Variants in TCF20 observed in about 807,000 individuals in gnomAD.
TCF20 encodes transcription factor 20.
Under a neutral mutation model 148.6 loss-of-function variants are expected in TCF20, and 3 were observed. The observed-to-expected ratio is 0.02, with a 90% CI of 0.01 to 0.05. The LOEUF (loss-of-function observed/expected upper bound fraction) is 0.05. TCF20 is among the 10% of genes least tolerant of loss of function. The pLI is 1.00. For missense variants in TCF20, 2,350 were observed against 2,429.3 expected (o/e 0.97, Z 0.69); for synonymous variants, 1,049 against 909.5 (o/e 1.15, Z -2.76).
At chr22:42,243,270 C>T (rs1924599030) in intron 1 of TCF20, among the ~76,000 whole-genome samples, 1 of 114,530 alleles carries the variant, frequency 8.7e-6, no homozygotes, top group Admixed American at 1.2e-4. Context: ...ACTGCACTGG[C>T]TGGCAGAGCA....
chr22:42,335,487 T>G (rs2147061040), intron 1 of TCF20, among the ~76,000 whole-genome samples: 1 of 152,284 alleles, frequency 6.6e-6, no homozygotes, highest in African/African-American at 2.4e-5. Flanking sequence ...CCACCCCCAA[T>G]CAGTACCACA....
intron 3 of TCF20, among the ~76,000 whole-genome samples, chr22:42,173,705 C>T (rs1178535168): frequency 6.6e-6 from 1 of 152,172 alleles, no homozygotes; most frequent in African/African-American, 2.4e-5. Flanking sequence ...CCCCACAGAG[C>T]AGTGCAGGCC....
At chr22:42,269,912 G>A (rs1275103098) in intron 1 of TCF20, 1 of 152,190 alleles carries the variant, frequency 6.6e-6, no homozygotes, top group African/African-American at 2.4e-5. Flanking sequence ...CAAGAGGCGA[G>A]CGCGGCCGGT....
intron 1 of TCF20, 30 bp from the exon 2 acceptor site, chr22:42,215,371 C>G (rs1921653664): frequency 6.5e-7 from 1 of 1,533,474 alleles, no homozygotes; most frequent in South Asian, 1.3e-5. Flanking sequence ...AAACATTAGA[C>G]ACGCATCTCC....
intron 2 of TCF20, among the ~76,000 whole-genome samples, chr22:42,197,211 C>T (rs1214827560): frequency 4.6e-5 from 7 of 152,106 alleles, no homozygotes; most frequent in Non-Finnish European, 1.0e-4. Flanking sequence ...CACATCAACT[C>T]AAAAGCTTCC....
At chr22:42,166,512 G>A (rs956127871) in intron 5 of TCF20, among the ~76,000 whole-genome samples, 1 of 152,058 alleles carries the variant, frequency 6.6e-6, no homozygotes, top group Admixed American at 6.5e-5. Context: ...GGAGGGCTGA[G>A]GCGGGAGAAT....
chr22:42,165,870 G>C (rs1233639474), intron 5 of TCF20, among the ~76,000 whole-genome samples: 1 of 152,240 alleles, frequency 6.6e-6, no homozygotes, highest in Non-Finnish European at 1.5e-5. Context: ...TCTGATCTTA[G>C]TCACACAGCA....
intron 1 of TCF20, among the ~76,000 whole-genome samples, chr22:42,220,355 G>T (rs901223972): frequency 1.3e-5 from 2 of 152,054 alleles, no homozygotes; most frequent in African/African-American, 4.8e-5. Context: ...TGGGACTATG[G>T]CTAATTTTTA....
intron 1 of TCF20, among the ~76,000 whole-genome samples, chr22:42,259,544 A>G (rs1269408917): frequency 1.3e-5 from 2 of 152,208 alleles, no homozygotes; most frequent in African/African-American, 4.8e-5. Context: ...AAGCATCTCT[A>G]ACTTACATTC....
At chr22:42,341,179 A>G in intron 1 of TCF20, among the ~76,000 whole-genome samples, 1 of 152,086 alleles carries the variant, frequency 6.6e-6, no homozygotes, top group Non-Finnish European at 1.5e-5. Flanking sequence ...CAAACCCCCC[A>G]GTCCCCCACA....
In TCF20 at chr22:42,289,155, A is replaced by C. The variant is rs532277067; in HGVS notation, c.-37+54324T>G. Among the ~76,000 whole-genome samples, 23 of 152,282 alleles carry C rather than the reference A, an allele frequency of 1.5e-4. 1 individual carries two copies. In the South Asian group the frequency reaches 4.8e-3, roughly 32 times the overall value. The stretch of plus-strand genomic sequence containing the variant: ...TTCACCTGGTCTCCACTGCTGCCCT[A>C]AGTTAGACTACAAAACAGCCCCAGA... On this transcript the variant is annotated intron_variant, in intron 1 of 1. Transcript: ENST00000515426.
chr22:42,286,186 G>C (rs1051481990), upstream of TCF20, among the ~76,000 whole-genome samples: 2 of 152,228 alleles, frequency 1.3e-5, no homozygotes, highest in African/African-American at 4.8e-5. Context: ...TCAGAGAACT[G>C]TACCTGTCCC....
intron 1 of TCF20, among the ~76,000 whole-genome samples, chr22:42,225,910 A>G (rs1036498207): frequency 9.2e-5 from 14 of 152,212 alleles, no homozygotes; most frequent in Non-Finnish European, 1.5e-4. Flanking sequence ...AATCAGGCCT[A>G]AAGTCAGCTG....
chr22:42,340,384 G>A (rs1441284912), intron 1 of TCF20, among the ~76,000 whole-genome samples: 1 of 152,142 alleles, frequency 6.6e-6, no homozygotes, highest in East Asian at 1.9e-4. Flanking sequence ...GTCCCTTCCC[G>A]CGGTAGCCTG....
chr22:42,166,698 CAGG>C (rs1935809153), intron 5 of TCF20, among the ~76,000 whole-genome samples: 1 of 152,070 alleles, frequency 6.6e-6, no homozygotes, highest in East Asian at 1.9e-4. Flanking sequence ...ACAAAATCCC[CAGG>C]AGATTTGTCC....
At chr22:42,229,297 G>A (rs1923188338) in intron 1 of TCF20, among the ~76,000 whole-genome samples, 1 of 152,100 alleles carries the variant, frequency 6.6e-6, no homozygotes, top group Admixed American at 6.6e-5. Flanking sequence ...CACCTAACCT[G>A]TTTAAACTTA....
intron 1 of TCF20, among the ~76,000 whole-genome samples, chr22:42,305,660 G>A (rs999387573): frequency 3.9e-5 from 6 of 152,212 alleles, no homozygotes; most frequent in East Asian, 3.9e-4. Context: ...CCTCCCATTC[G>A]TCCTTCCAGA....
Position 42,214,996 on chromosome 22 carries a change from G to C in TCF20, c.310C>G (p.Pro104Ala), listed in dbSNP as rs1376783561. 5.0e-6 allele frequency: 8 copies of C among 1,614,198 alleles called. No individual in the cohort carries two copies. The highest frequency in any genetic ancestry group is 6.8e-6 in the Non-Finnish European group (8 of 1,180,042). The change falls in exon 2 of 6, where the codon CCA becomes GCA. Residue 104 changes from proline to alanine, a missense_variant. Pro to Ala is a conservative substitution (Grantham distance 27). Coordinates refer to ENST00000677622, the MANE Select transcript of TCF20 (RefSeq NM_001378418.1). ...GNKDPVTTGT[P>A]QPPQRRPSGP... ...GAAGGCCTTCGCTGAGGAGGCTGTG[G>C]GGTTCCTGTAGTCACGGGGTCTTTG...
intron 2 of TCF20, among the ~76,000 whole-genome samples, chr22:42,203,911 G>T (rs1048073434): frequency 6.6e-6 from 1 of 152,174 alleles, no homozygotes; most frequent in Non-Finnish European, 1.5e-5. Flanking sequence ...ACCAGGATGG[G>T]GGCCTTGCCA....
Sources: allele counts gnomAD v4.1 joint callset (sites outside exome capture counted in the v4.1 genomes callset), GRCh38; gene constraint gnomAD v4.1.1; transcripts MANE v1.5; gene names NCBI Gene and HGNC (gene_info 2026-07-23, HGNC 2026-07-21).